The following SHISA6 variants were observed in gnomAD, a reference collection of about 807,000 sequenced individuals.
The protein encoded by SHISA6 is shisa family member 6, also known as protein shisa-6.
SHISA6 carries 22 observed loss-of-function variants against 47.9 expected under a neutral mutation model. That is an observed-to-expected ratio of 0.46 (90% CI 0.33 to 0.66). The LOEUF (loss-of-function observed/expected upper bound fraction) is 0.66, where lower values mean the gene tolerates loss of function less well. Among genes scored for constraint, SHISA6 ranks in the 30% least tolerant of loss-of-function variants. SHISA6 has a pLI of 0.02. For missense variants in SHISA6, 680 were observed against 764.6 expected (o/e 0.89, Z 1.30); for synonymous variants, 388 against 337.8 (o/e 1.15, Z -1.63).
At chr17:11,299,957 AAC>A (rs1301876488) in intron 2 of SHISA6, among the ~76,000 whole-genome samples, 1 of 152,070 alleles carries the variant, frequency 6.6e-6, no homozygotes, top group Non-Finnish European at 1.5e-5. Flanking sequence ...CATCCTGGCT[AAC>A]ACAGTGAAAC....
chr17:11,349,446 T>A (rs1311069540), intron 2 of SHISA6, among the ~76,000 whole-genome samples: 2 of 152,222 alleles, frequency 1.3e-5, no homozygotes, highest in African/African-American at 4.8e-5. Flanking sequence ...CTGTGCTTGG[T>A]TAGCAGAAGT....
chr17:11,308,175 G>T (rs1307549766), intron 2 of SHISA6, among the ~76,000 whole-genome samples: 4 of 152,168 alleles, frequency 2.6e-5, no homozygotes, highest in Non-Finnish European at 5.9e-5. Flanking sequence ...GAAACCTGCA[G>T]TCCAGAGGGA....
At chr17:11,312,056 G>GA (rs1910359012) in intron 2 of SHISA6, among the ~76,000 whole-genome samples, 1 of 152,130 alleles carries the variant, frequency 6.6e-6, no homozygotes, top group Non-Finnish European at 1.5e-5. Flanking sequence ...TTACAGGTGT[G>GA]AGCCACCACA....
chr17:11,391,589 C>T (rs1913388826), intron 3 of SHISA6, among the ~76,000 whole-genome samples: 1 of 152,096 alleles, frequency 6.6e-6, no homozygotes, highest in Non-Finnish European at 1.5e-5. Flanking sequence ...GCACGACTGT[C>T]CCCGTTTGTG....
At chr17:11,448,181 C>T (rs1334619883) in intron 3 of SHISA6, among the ~76,000 whole-genome samples, 1 of 152,068 alleles carries the variant, frequency 6.6e-6, no homozygotes, top group African/African-American at 2.4e-5. Context: ...GGAACTTCCC[C>T]TACATGATTT....
In SHISA6 at chr17:11,455,124, A is replaced by G. The variant is rs547864211; in HGVS notation, c.895+75615A>G. Among the ~76,000 whole-genome samples, 37 of 152,222 alleles carry G rather than the reference A, an allele frequency of 2.4e-4. No homozygotes were observed. The East Asian group carries it at 7.0e-3, about 29-fold the overall frequency. Reference sequence around the variant, plus strand: ...GTGGAGCTTGCAGTGAGCCGAGATCACGCCACTGCACTCCAGCCTGGGCGA... The same window carrying G: ...GTGGAGCTTGCAGTGAGCCGAGATCGCGCCACTGCACTCCAGCCTGGGCGA... On this transcript the variant is annotated intron_variant, in intron 3 of 5. Transcript: ENST00000441885.
At chr17:11,274,832 G>T (rs1405944347) in intron 2 of SHISA6, among the ~76,000 whole-genome samples, 1 of 152,174 alleles carries the variant, frequency 6.6e-6, no homozygotes, top group Non-Finnish European at 1.5e-5. Context: ...TAGGCCACAT[G>T]CTCAGAACGC....
chr17:11,499,683 C>CTTTCTTTCTTTT (rs1453364830), intron 3 of SHISA6, among the ~76,000 whole-genome samples: 2 of 127,564 alleles, frequency 1.6e-5, no homozygotes, highest in African/African-American at 6.2e-5. Flanking sequence ...CTTTTTCTTT[C>CTTTCTTTCTTTT]TTTTTTTTTT....
At chr17:11,454,113 G>A (rs1029470706) in intron 3 of SHISA6, among the ~76,000 whole-genome samples, 6 of 152,146 alleles carry the variant, frequency 3.9e-5, no homozygotes, top group Admixed American at 6.5e-5. Context: ...TCTGGAGTGC[G>A]TCTCATTCAT....
intron 3 of SHISA6, among the ~76,000 whole-genome samples, chr17:11,535,437 G>A (rs1462438858): frequency 6.6e-6 from 1 of 152,242 alleles, no homozygotes; most frequent in African/African-American, 2.4e-5. Context: ...AATGCTGTCA[G>A]CAGGGAGATG....
rs577713918 is a variant in SHISA6 at position 11,440,626 on chromosome 17, C to G, written c.895+61117C>G. On this transcript the variant is annotated intron_variant, in intron 3 of 5. Coordinates refer to ENST00000441885, the MANE Select transcript of SHISA6 (RefSeq NM_207386.4). ...CGTTTGCTCATCTACATTGGATGAT[C>G]CATCATCCAATGTAGATGAGCAAAC... 1.2e-3 allele frequency among the ~76,000 whole-genome samples: 170 copies of G among 147,074 alleles called. 2 individuals carry two copies. The highest frequency in any genetic ancestry group is 1.8e-3 in the African/African-American group (75 of 40,612).
chr17:11,398,635 C>T lies in SHISA6; in HGVS notation c.895+19126C>T, dbSNP rs1913361. 2.8e-3 allele frequency among the ~76,000 whole-genome samples: 419 copies of T among 152,114 alleles called. 1 individual carries two copies. Among genetic ancestry groups the T allele is most frequent in the African/African-American group, 8.6e-3 (356 of 41,480 alleles). The stretch of plus-strand genomic sequence containing the variant: ...TTTTGACAGACTCTCGCTCTGTTGC[C>T]AGGCTGGAGTACAGTAGCGCGATCT... On this transcript the variant is annotated intron_variant, in intron 3 of 5. Transcript: ENST00000441885.
intron 3 of SHISA6, among the ~76,000 whole-genome samples, chr17:11,424,898 A>G (rs1330464861): frequency 3.3e-5 from 5 of 150,662 alleles, no homozygotes; most frequent in African/African-American, 1.2e-4. Flanking sequence ...AGTTGCAGCT[A>G]CTGGGGGCTG....
intron 3 of SHISA6, among the ~76,000 whole-genome samples, chr17:11,423,324 T>C (rs1567602046): frequency 2.9e-5 from 2 of 68,920 alleles, no homozygotes; most frequent in Non-Finnish European, 5.4e-5. Context: ...CTGTAACATA[T>C]ATATAGATAG....
At chr17:11,250,573 C>T (rs1423501923) in intron 1 of SHISA6, among the ~76,000 whole-genome samples, 1 of 152,198 alleles carries the variant, frequency 6.6e-6, no homozygotes, top group Non-Finnish European at 1.5e-5. Flanking sequence ...GCTGTGCTAC[C>T]TGGGTAGAAT....
chr17:11,276,466 G>T (rs1319229743), intron 2 of SHISA6, among the ~76,000 whole-genome samples: 2 of 152,132 alleles, frequency 1.3e-5, no homozygotes, highest in South Asian at 4.1e-4. Context: ...TCAAACCAAT[G>T]GAATATTTGC....
At chr17:11,414,951 T>C (rs1310514497) in intron 3 of SHISA6, among the ~76,000 whole-genome samples, 1 of 151,920 alleles carries the variant, frequency 6.6e-6, no homozygotes, top group Admixed American at 6.6e-5. Flanking sequence ...CCGGGCGTGG[T>C]GGCACACGCC....
At chr17:11,423,843 TAAAA>T (rs5819317) in intron 3 of SHISA6, among the ~76,000 whole-genome samples, 2 of 151,510 alleles carry the variant, frequency 1.3e-5, no homozygotes, top group South Asian at 4.2e-4. Flanking sequence ...AAGATCCTAT[TAAAA>T]AAAACAGGTA....
chr17:11,276,611 A>G (rs970096157), intron 2 of SHISA6, among the ~76,000 whole-genome samples: 1 of 151,804 alleles, frequency 6.6e-6, no homozygotes, highest in African/African-American at 2.4e-5. Flanking sequence ...CACCACCACC[A>G]CCATCATCAT....
Sources: allele counts gnomAD v4.1 joint callset (sites outside exome capture counted in the v4.1 genomes callset), GRCh38; gene constraint gnomAD v4.1.1; transcripts MANE v1.5; gene names NCBI Gene and HGNC (gene_info 2026-07-23, HGNC 2026-07-21).